Variants in FCHO1 observed in about 807,000 individuals in gnomAD.
The protein encoded by FCHO1 is FCH and mu domain containing endocytic adaptor 1.
Under a neutral mutation model 114.4 loss-of-function variants are expected in FCHO1, and 45 were observed. The ratio of observed to expected loss-of-function variants is 0.39; its 90% CI spans 0.31 to 0.50. The LOEUF (loss-of-function observed/expected upper bound fraction) is 0.50, where lower values mean the gene tolerates loss of function less well. Among genes scored for constraint, FCHO1 ranks in the 20% least tolerant of loss-of-function variants. FCHO1 has a pLI of 0.77. For missense variants in FCHO1, 1,042 were observed against 1,209.6 expected (o/e 0.86, Z 2.06); for synonymous variants, 480 against 488.9 (o/e 0.98, Z 0.24).
intron 7 of FCHO1, among the ~76,000 whole-genome samples, chr19:17,768,892 C>G (rs780951566): frequency 2.0e-5 from 3 of 151,864 alleles, no homozygotes; most frequent in Non-Finnish European, 4.4e-5. Flanking sequence ...GCCTGTAGTC[C>G]CAGCTACTTG....
chr19:17,760,540 A>G (rs1366901793), intron 4 of FCHO1, among the ~76,000 whole-genome samples: 2 of 152,220 alleles, frequency 1.3e-5, no homozygotes, highest in Non-Finnish European at 2.9e-5. Context: ...GTCTTTGGGG[A>G]AGAAGCATAA....
At chr19:17,764,490 C>T in intron 6 of FCHO1, 41 bp downstream of exon 6, 2 of 1,532,776 alleles carry the variant, frequency 1.3e-6, no homozygotes, top group Non-Finnish European at 8.9e-7. Flanking sequence ...ACATTGGGAG[C>T]CTCCTCCTTG....
chr19:17,781,091 G>A, intron 20 of FCHO1, 140 bp from the exon 21 acceptor site: 2 of 638,142 alleles, frequency 3.1e-6, no homozygotes, highest in East Asian at 2.6e-5. Context: ...CACCTTTTCT[G>A]CAACACCAGG....
chr19:17,788,204 A>C, intron 28 of FCHO1, 80 bp from the exon 29 acceptor site: 1 of 1,017,394 alleles, frequency 9.8e-7, no homozygotes, highest in Non-Finnish European at 1.5e-6. Flanking sequence ...GGATGATTGA[A>C]GCATCCCAGG....
At chr19:17,782,458 C>G (rs547670509) in intron 23 of FCHO1, among the ~76,000 whole-genome samples, 46 of 152,274 alleles carry the variant, frequency 3.0e-4, no homozygotes, top group Non-Finnish European at 2.9e-4. Flanking sequence ...GCTGCCTCAG[C>G]CTCCCAAGGT....
In FCHO1 at chr19:17,776,300, G is replaced by A. The variant is rs2092624432; in HGVS notation, c.1207+29G>A. 2.5e-6 allele frequency: 4 copies of A among 1,614,096 alleles called. No individual in the cohort carries two copies. The highest frequency in any genetic ancestry group is 4.5e-5 in the East Asian group (2 of 44,884). On this transcript the variant is annotated intron_variant, in intron 17 of 28. Transcript: ENST00000596536. The surrounding 1 kb of genome is among the most constrained non-coding windows in gnomAD (Gnocchi z 4.4). ...AGTAGCCTTTGGTCTTCAGAGTGGGGAGGATCCTAAGGAAGGGAGGCTATG... is the reference window on the plus strand; with the variant it reads ...AGTAGCCTTTGGTCTTCAGAGTGGGAAGGATCCTAAGGAAGGGAGGCTATG...
intron 4 of FCHO1, among the ~76,000 whole-genome samples, chr19:17,758,299 A>G (rs1331789356): frequency 1.3e-5 from 2 of 151,938 alleles, no homozygotes; most frequent in Non-Finnish European, 2.9e-5. Context: ...GGGTTAGGGA[A>G]GTTTCTAGAG....
In FCHO1 at chr19:17,775,530, C is replaced by T. The variant is rs774122483; in HGVS notation, c.1003+17C>T. On this transcript the variant is annotated intron_variant, in intron 15 of 28. Transcript: ENST00000596536. The surrounding 1 kb of genome is among the most constrained non-coding windows in gnomAD (Gnocchi z 5.1). ...CCCAGAACAATATCCTTCTGGCACC[C>T]CCTGGGGGCAGTTGTTGGCACAGCA... 1.2e-6 allele frequency: 2 copies of T among 1,612,534 alleles called. No homozygotes were observed. The highest frequency in any genetic ancestry group is 3.3e-5 in the Admixed American group (2 of 59,992).
chr19:17,772,297 T>A (rs2091808038), intron 9 of FCHO1, among the ~76,000 whole-genome samples, 160 bp from the exon 10 acceptor site: 1 of 152,174 alleles, frequency 6.6e-6, no homozygotes, highest in Non-Finnish European at 1.5e-5. Flanking sequence ...CCTTTTCCTG[T>A]AGAGTCAATG....
chr19:17,758,169 CG>C (rs2084530761), intron 4 of FCHO1, among the ~76,000 whole-genome samples: 1 of 151,336 alleles, frequency 6.6e-6, no homozygotes, highest in Non-Finnish European at 1.5e-5. Flanking sequence ...GAGCCAAGAT[CG>C]CATCACTGCA....
At position 17,775,310 on chromosome 19, in the gene FCHO1, C is replaced by G; in HGVS notation, c.946-146C>G. The stretch of plus-strand genomic sequence containing the variant: ...AGTTTGTCCCAGGAACCTGCCCACA[C>G]ACCCAGGGAAGACAGTCGTTGCCAT... On this transcript the variant is annotated intron_variant, in intron 14 of 28. Coordinates refer to ENST00000596536, the MANE Select transcript of FCHO1 (RefSeq NM_015122.3). The surrounding 1 kb of genome is among the most constrained non-coding windows in gnomAD (Gnocchi z 5.1). The G allele has an allele frequency of 1.1e-6, 1 of 897,848 alleles. No individual in the cohort carries two copies. The highest frequency in any genetic ancestry group is 1.4e-5 in the South Asian group (1 of 70,000). 55.6% of individuals were successfully genotyped at this position (897,848 alleles called of 1,614,324 possible).
intron 23 of FCHO1, 122 bp downstream of exon 23, chr19:17,781,942 A>G: frequency 1.6e-6 from 1 of 615,286 alleles, no homozygotes; most frequent in Non-Finnish European, 2.7e-6. Flanking sequence ...CACTGAGCCA[A>G]GTGACCAGGC....
rs2147217914 is a variant in FCHO1 at position 17,778,901 on chromosome 19, T to G, written c.1627+17T>G. 1 of 1,526,050 alleles carries G rather than the reference T, an allele frequency of 6.6e-7. No homozygotes were observed. Among genetic ancestry groups the G allele is most frequent in the Non-Finnish European group, 8.7e-7 (1 of 1,145,260 alleles). 94.5% of individuals were successfully genotyped at this position (1,526,050 alleles called of 1,614,324 possible). On this transcript the variant is annotated intron_variant, in intron 20 of 28. Coordinates refer to ENST00000596536, the MANE Select transcript of FCHO1 (RefSeq NM_015122.3). ...CCGGAGGAGGTGAGTCCAGCGGGCC[T>G]GGGCCTGAGAGTTGCTGGAACCCTG...
chr19:17,765,769 G>T (rs2088726437), intron 6 of FCHO1, among the ~76,000 whole-genome samples: 1 of 152,068 alleles, frequency 6.6e-6, no homozygotes, highest in Admixed American at 6.6e-5. Context: ...GTTCTGTGGG[G>T]CAGGCAGAAG....
In FCHO1 at chr19:17,772,481, C is replaced by A; in HGVS notation, c.619C>A (p.His207Asn). Residue 207 changes from histidine (H) to asparagine (N), a missense_variant, in exon 10 of 29, where the codon CAC becomes AAC. Physicochemically the swap from His to Asn is moderately conservative, Grantham distance 68 (BLOSUM62 1). Coordinates refer to ENST00000596536, the MANE Select transcript of FCHO1 (RefSeq NM_015122.3). Reference protein sequence around the residue: ...ALRFQAMEETHLRHMKALLGS... With the variant: ...ALRFQAMEETNLRHMKALLGS... Reference sequence around the variant, plus strand: ...GCGCTTCCAAGCCATGGAGGAGACACACCTGAGGCACATGAAGGCACTGCT... The same window carrying A: ...GCGCTTCCAAGCCATGGAGGAGACAAACCTGAGGCACATGAAGGCACTGCT... 1 of 1,614,094 alleles carries A rather than the reference C, an allele frequency of 6.2e-7. No individual in the cohort carries two copies. Among genetic ancestry groups the A allele is most frequent in the Non-Finnish European group, 8.5e-7 (1 of 1,180,006 alleles).
At chr19:17,786,663 AGGG>A in intron 27 of FCHO1, 34 bp downstream of exon 27, 2 of 261,966 alleles carry the variant, frequency 7.6e-6, no homozygotes, top group Non-Finnish European at 7.9e-6. Context: ...GCTGGGTGGG[AGGG>A]ACTGGGGTCA....
intron 4 of FCHO1, 76 bp downstream of exon 4, chr19:17,755,267 G>A: frequency 7.6e-7 from 1 of 1,317,852 alleles, no homozygotes; most frequent in Non-Finnish European, 1.1e-6. Flanking sequence ...AGGACTGGGT[G>A]AGTTGCGGTT....
chr19:17,766,851 G>A (rs750578179), intron 7 of FCHO1, 41 bp downstream of exon 7: 32 of 1,595,612 alleles, frequency 2.0e-5, no homozygotes, highest in Non-Finnish European at 2.7e-5. Flanking sequence ...GGTGGGTGTG[G>A]AACACCGGCA....
Position 17,782,907 on chromosome 19 carries a change from A to C in FCHO1, c.1938-110A>C, listed in dbSNP as rs1452518111. The C allele has an allele frequency of 3.3e-6, 4 of 1,227,374 alleles. No individual in the cohort carries two copies. The East Asian group carries it at 9.8e-5, about 30-fold the overall frequency. 76.0% of individuals were successfully genotyped at this position (1,227,374 alleles called of 1,614,324 possible). A position where few individuals can be genotyped will look rare whatever the true frequency, so the allele number is the denominator to read the frequency against. On this transcript the variant is annotated intron_variant, in intron 23 of 28. Transcript: ENST00000596536. ...GGGGGATCATCAGGGCCATCCTCCTAGATCCGAGGAGTCTGGGGAGCCACA... is the reference window on the plus strand; with the variant it reads ...GGGGGATCATCAGGGCCATCCTCCTCGATCCGAGGAGTCTGGGGAGCCACA...
Sources: gnomAD v4.1 joint callset for allele counts (sites outside exome capture counted in the v4.1 genomes callset) on GRCh38, gnomAD v4.1.1 for gene constraint, Gnocchi (gnomAD v3.1) non-coding constraint, MANE v1.5 for transcripts, NCBI Gene and HGNC (gene_info 2026-07-23, HGNC 2026-07-21) for gene names.